The following ATRX variants were observed in gnomAD, a reference collection of about 807,000 sequenced individuals.
The protein encoded by ATRX is ATRX chromatin remodeler.
ATRX carries 12 observed loss-of-function variants against 172.6 expected under a neutral mutation model. That is an observed-to-expected ratio of 0.07 (90% confidence interval 0.04 to 0.11). The LOEUF (loss-of-function observed/expected upper bound fraction) is 0.11, where lower values mean the gene tolerates loss of function less well. ATRX is among the 10% of genes least tolerant of loss of function. ATRX has a pLI of 1.00. For synonymous variants in ATRX, 674 were observed against 594.7 expected (o/e 1.13, Z -1.94); for missense variants, 1,368 against 1,767.4 (o/e 0.77, Z 4.05).
rs782601904 is a variant in ATRX at position 77,682,983 on chromosome X, T to C, written c.2273A>G (p.His758Arg). ...SSSDTDINEI[H>R]TNHKTLYDLK... The stretch of plus-strand genomic sequence containing the variant: ...ATCATACAAAGTCTTATGGTTTGTA[T>C]GAATTTCATTAATATCAGTATCTGA... Residue 758 changes from histidine to arginine, a missense_variant, in exon 9 of 35, where the codon CAT becomes CGT. Physicochemically the swap from His to Arg is conservative, Grantham distance 29. Around this residue, in one of 17 missense-constraint regions of ATRX, gnomAD observed 843 missense variants for 643.1 expected, o/e 1.31. Coordinates refer to ENST00000373344, the MANE Select transcript of ATRX (RefSeq NM_000489.6). 6 of 1,211,046 alleles carry C rather than the reference T, an allele frequency of 5.0e-6. No homozygotes were observed. Among genetic ancestry groups the C allele is most frequent in the East Asian group, 5.9e-5 (2 of 33,839 alleles).
chrX:77,666,036 T>G (rs1192518648), intron 10 of ATRX, among the ~76,000 whole-genome samples: 1 of 112,273 alleles, frequency 8.9e-6, no homozygotes, highest in East Asian at 2.8e-4. Context: ...GATTGTTCAT[T>G]ACTATTCATA....
chrX:77,760,344 T>A (rs1032601113), intron 1 of ATRX, among the ~76,000 whole-genome samples: 1 of 106,725 alleles, frequency 9.4e-6, no homozygotes, highest in South Asian at 4.1e-4. Context: ...AATTTCATTC[T>A]CAGTAAACTA....
chrX:77,729,989 T>C (rs782436289), intron 1 of ATRX, among the ~76,000 whole-genome samples: 58 of 112,146 alleles, frequency 5.2e-4, no homozygotes, highest in Admixed American at 8.6e-4. Flanking sequence ...TGTTAATACC[T>C]ATAATTTCAG....
At chrX:77,641,755 T>C (rs1403115606) in intron 15 of ATRX, among the ~76,000 whole-genome samples, 1 of 109,923 alleles carries the variant, frequency 9.1e-6, no homozygotes, top group Non-Finnish European at 1.9e-5. Flanking sequence ...ATCAACAAAA[T>C]TGAAGACAAA....
In ATRX at chrX:77,692,846, A is replaced by AGTGTGTGTGTGT. The variant is rs3063059; in HGVS notation, c.484+966_484+977dup. 1.0e-3 allele frequency among the ~76,000 whole-genome samples: 85 copies of AGTGTGTGTGTGT among 82,106 alleles called. 1 individual carries two copies. The highest frequency in any genetic ancestry group is 6.3e-3 in the Middle Eastern group (1 of 160). 71.3% of individuals were successfully genotyped at this position (82,106 alleles called of 115,157 possible). A position where few individuals can be genotyped will look rare whatever the true frequency, so the allele number is the denominator to read the frequency against. On this transcript the variant is annotated intron_variant, in intron 6 of 34. Coordinates refer to ENST00000373344, the MANE Select transcript of ATRX (RefSeq NM_000489.6). ...TTTATAGATGGTTAGCCAATATTAG[A>AGTGTGTGTGTGT]GTGTGTGTGTGTGTGTGTGTGTGTG...
chrX:77,655,538 G>A (rs782586376), intron 13 of ATRX, among the ~76,000 whole-genome samples: 48 of 110,567 alleles, frequency 4.3e-4, no homozygotes, highest in African/African-American at 1.5e-3. Flanking sequence ...ATTAGAGTAC[G>A]AGGGCATGGG....
intron 28 of ATRX, among the ~76,000 whole-genome samples, chrX:77,563,876 T>A (rs1463644652): frequency 9.2e-6 from 1 of 108,996 alleles, no homozygotes; most frequent in African/African-American, 3.4e-5. Context: ...AATCCGGGGG[T>A]AGGGTTGTGG....
intron 1 of ATRX, among the ~76,000 whole-genome samples, chrX:77,727,283 T>G (rs1219178795): frequency 1.8e-5 from 2 of 111,810 alleles, no homozygotes; most frequent in African/African-American, 6.5e-5. Context: ...GATTCCACAA[T>G]GATCTAGAAT....
intron 10 of ATRX, chrX:77,674,779 A>G (rs2070784844): frequency 8.9e-6 from 1 of 111,809 alleles, no homozygotes; most frequent in Admixed American, 9.6e-5. Context: ...ATCTTAAAAA[A>G]GAGTAAAATT....
chrX:77,726,404 A>T (rs1199386339), intron 1 of ATRX, among the ~76,000 whole-genome samples: 4 of 101,671 alleles, frequency 3.9e-5, no homozygotes, highest in Non-Finnish European at 7.9e-5. Context: ...GTTCTCACTC[A>T]TAGGTGGGAA....
chrX:77,659,714 T>C (rs1354130533), intron 12 of ATRX, among the ~76,000 whole-genome samples: 1 of 111,942 alleles, frequency 8.9e-6, no homozygotes, highest in African/African-American at 3.2e-5. Flanking sequence ...TTGTAACATT[T>C]TTCTAATTTA....
At position 77,667,801 on chromosome X, in the gene ATRX, C is replaced by T. The variant is rs376311271; in HGVS notation, c.3810-3023G>A. Among the ~76,000 whole-genome samples the T allele has an allele frequency of 9.9e-5, 11 of 111,506 alleles. No homozygotes were observed. The East Asian group carries it at 1.1e-3, about 11-fold the overall frequency. On this transcript the variant is annotated intron_variant, in intron 10 of 34. Transcript: ENST00000373344. ...CACATACTGTAGAAGTACAACTTAG[C>T]GACAACTTTCAGTAAGATCATAACA...
At chrX:77,757,213 C>T (rs1192538007) in intron 1 of ATRX, among the ~76,000 whole-genome samples, 6 of 111,851 alleles carry the variant, frequency 5.4e-5, no homozygotes, top group Admixed American at 3.8e-4. Context: ...CACTAGACAT[C>T]TCATGAAATC....
chrX:77,768,171 TATTTC>T (rs2076039936), intron 1 of ATRX, among the ~76,000 whole-genome samples: 2 of 111,917 alleles, frequency 1.8e-5, no homozygotes, highest in Non-Finnish European at 3.8e-5. Flanking sequence ...AAAGTTATTT[TATTTC>T]ATCAACTAAG....
intron 1 of ATRX, among the ~76,000 whole-genome samples, chrX:77,727,373 A>T (rs1415418648): frequency 9.0e-6 from 1 of 111,589 alleles, no homozygotes; most frequent in East Asian, 2.8e-4. Flanking sequence ...GTAAAGACAC[A>T]TGCACACATA....
intron 4 of ATRX, 68 bp from the exon 5 acceptor site, chrX:77,696,772 A>C: frequency 9.2e-7 from 1 of 1,087,661 alleles, no homozygotes; most frequent in Non-Finnish European, 1.3e-6. Flanking sequence ...CAAAGAACAT[A>C]AATAACATGT....
At chrX:77,618,029 T>G (rs182283338) in intron 21 of ATRX, among the ~76,000 whole-genome samples, 211 of 111,750 alleles carry the variant, frequency 1.9e-3, no homozygotes, top group African/African-American at 6.4e-3. Flanking sequence ...GAATTACAGG[T>G]GTGCACCACT....
intron 30 of ATRX, among the ~76,000 whole-genome samples, chrX:77,535,566 A>G (rs1220484864): frequency 8.9e-6 from 1 of 112,092 alleles, no homozygotes; most frequent in Non-Finnish European, 1.9e-5. Context: ...CTTTCCAAGT[A>G]TAGCCTGAAT....
chrX:77,579,711 C>T (rs2148042423), intron 27 of ATRX, among the ~76,000 whole-genome samples: 1 of 111,822 alleles, frequency 8.9e-6, no homozygotes, highest in Non-Finnish European at 1.9e-5. Context: ...CAAGCCCAGA[C>T]TGCAAAGACT....
Sources: gnomAD v4.1 joint callset for allele counts (sites outside exome capture counted in the v4.1 genomes callset) on GRCh38, gnomAD v4.1.1 for gene constraint, gnomAD v4.1.1 regional missense constraint, MANE v1.5 for transcripts, NCBI Gene and HGNC (gene_info 2026-07-23, HGNC 2026-07-21) for gene names.